The following ROBO2 variants were observed in gnomAD, a reference collection of about 807,000 sequenced individuals.
ROBO2 encodes the protein roundabout homolog 2.
In ROBO2, 53 loss-of-function variants were observed where a neutral mutation model predicts 160.8. The observed-to-expected ratio is 0.33, with a 90% CI of 0.26 to 0.41. The LOEUF (loss-of-function observed/expected upper bound fraction) is 0.41, where lower values mean the gene tolerates loss of function less well. Among genes scored for constraint, ROBO2 ranks in the 10% least tolerant of loss-of-function variants. The probability of loss-of-function intolerance (pLI) is 1.00; values close to 1 mark genes in which losing one functional copy is unlikely to be tolerated. For missense variants in ROBO2, 1,577 were observed against 1,722.4 expected, an observed-to-expected ratio of 0.92 and a Z score of 1.49; for synonymous variants, 664 against 611.7, an observed-to-expected ratio of 1.09 and a Z score of -1.26.
intron 1 of ROBO2, among the ~76,000 whole-genome samples, chr3:75,933,051 A>G (rs1576193038): frequency 1.3e-5 from 2 of 152,350 alleles, no homozygotes; most frequent in African/African-American, 4.8e-5. Flanking sequence ...CCTGCCTGTG[A>G]GAATTTACTA....
At chr3:77,057,175 G>T (rs567952047) in intron 1 of ROBO2, among the ~76,000 whole-genome samples, 1 of 152,224 alleles carries the variant, frequency 6.6e-6, no homozygotes, top group Admixed American at 6.5e-5. Context: ...AATGGATGAA[G>T]CTGGAAACCA....
chr3:76,803,866 A>T (rs564852887), intron 2 of ROBO2, among the ~76,000 whole-genome samples: 45 of 152,286 alleles, frequency 3.0e-4, no homozygotes, highest in African/African-American at 1.1e-3. Context: ...AAGTCATGTA[A>T]GAGTATGATT....
chr3:77,366,780 A>G (rs1034372377), intron 2 of ROBO2, among the ~76,000 whole-genome samples: 14 of 152,034 alleles, frequency 9.2e-5, no homozygotes, highest in Non-Finnish European at 1.0e-4. Flanking sequence ...AGAGAGAGAA[A>G]GAGACAGAGA....
chr3:77,177,501 T>C (rs1010489581), intron 2 of ROBO2, among the ~76,000 whole-genome samples: 2 of 152,034 alleles, frequency 1.3e-5, no homozygotes, highest in South Asian at 4.1e-4. Flanking sequence ...CTTTAAATTA[T>C]TTCTAAATCA....
At chr3:76,037,204 G>A (rs2067136919) in intron 2 of ROBO2, among the ~76,000 whole-genome samples, 1 of 150,452 alleles carries the variant, frequency 6.6e-6, no homozygotes, top group Admixed American at 6.6e-5. Context: ...TGCCCATACT[G>A]TATTCAGTGG....
intron 2 of ROBO2, among the ~76,000 whole-genome samples, chr3:75,999,336 A>G (rs367911642): frequency 2.6e-5 from 4 of 152,192 alleles, no homozygotes; most frequent in East Asian, 1.9e-4. Context: ...CCAAGGGTTA[A>G]TCAAGGAACA....
Position 77,389,454 on chromosome 3 carries a change from A to G in ROBO2, c.389-87960A>G, listed in dbSNP as rs1161247957. On this transcript the variant is annotated intron_variant, in intron 2 of 25. Coordinates refer to ENST00000461745, the Ensembl canonical transcript of ROBO2. ...GGCACCACAGACATAAAAGATTTCCATGATCATGCAGTGTTCTATTGGACA... is the reference window on the plus strand; with the variant it reads ...GGCACCACAGACATAAAAGATTTCCGTGATCATGCAGTGTTCTATTGGACA... Among the ~76,000 whole-genome samples, 3 of 152,128 alleles carry G rather than the reference A, an allele frequency of 2.0e-5. No individual in the cohort carries two copies. The East Asian group carries it at 5.8e-4, about 29-fold the overall frequency.
At chr3:77,113,194 A>G (rs2073849277) in intron 2 of ROBO2, among the ~76,000 whole-genome samples, 1 of 152,222 alleles carries the variant, frequency 6.6e-6, no homozygotes, top group Admixed American at 6.5e-5. Context: ...GTAATTCCCC[A>G]GGACCCATGT....
rs531381325 is a variant in ROBO2 at position 76,447,710 on chromosome 3, C to T, written c.109+510108C>T. ...ATATACACCATGGAATACTATGCAG[C>T]CGTATAAAATGATGAGTTCATGTCC... On this transcript the variant is annotated intron_variant, in intron 2 of 26. Transcript: ENST00000487694. Among the ~76,000 whole-genome samples the T allele has an allele frequency of 2.7e-3, 415 of 151,332 alleles. 1 individual carries two copies. Among genetic ancestry groups the T allele is most frequent in the African/African-American group, 9.7e-3 (398 of 41,184 alleles).
chr3:76,829,649 CCTTTT>C (rs1259482366), intron 2 of ROBO2, among the ~76,000 whole-genome samples: 3 of 150,056 alleles, frequency 2.0e-5, no homozygotes, highest in Non-Finnish European at 4.4e-5. Context: ...CCTTTCCTTT[CCTTTT>C]CTTTCTTTTT....
At chr3:76,048,813 C>T (rs1005895339) in intron 2 of ROBO2, among the ~76,000 whole-genome samples, 1 of 152,044 alleles carries the variant, frequency 6.6e-6, no homozygotes, top group African/African-American at 2.4e-5. Context: ...GTTAACAAAT[C>T]GTAGCATGTT....
chr3:76,851,741 CAAA>C (rs71104629), intron 2 of ROBO2, among the ~76,000 whole-genome samples: 33 of 63,252 alleles, frequency 5.2e-4, no homozygotes, highest in African/African-American at 1.9e-3. Flanking sequence ...GACTCCGTCT[CAAA>C]AAAAAAAAAA....
chr3:77,292,788 A>C (rs200250271), intron 2 of ROBO2, among the ~76,000 whole-genome samples: 3 of 78,374 alleles, frequency 3.8e-5, no homozygotes, highest in Non-Finnish European at 1.1e-4. Flanking sequence ...ACGGTTAAAC[A>C]GGTAAGCTGA....
intron 2 of ROBO2, among the ~76,000 whole-genome samples, chr3:76,449,745 T>C (rs1321523548): frequency 1.3e-5 from 2 of 152,166 alleles, no homozygotes; most frequent in African/African-American, 2.4e-5. Context: ...GATCACCAAA[T>C]AGGGCATTTA....
chr3:76,252,332 A>G (rs954141004), intron 2 of ROBO2, among the ~76,000 whole-genome samples: 71 of 152,168 alleles, frequency 4.7e-4, no homozygotes, highest in African/African-American at 1.5e-3. Context: ...GTGCTATTCA[A>G]TGTATTTGAT....
At chr3:76,285,459 T>C (rs560681033) in intron 2 of ROBO2, among the ~76,000 whole-genome samples, 3 of 152,188 alleles carry the variant, frequency 2.0e-5, no homozygotes, top group South Asian at 4.1e-4. Flanking sequence ...CTACAGAATA[T>C]AAAATCTAAA....
chr3:76,892,895 G>T (rs557536023), intron 2 of ROBO2, among the ~76,000 whole-genome samples: 113 of 152,058 alleles, frequency 7.4e-4, no homozygotes, highest in Non-Finnish European at 1.4e-3. Flanking sequence ...TATTTTGCTT[G>T]TTAATTCATT....
intron 2 of ROBO2, among the ~76,000 whole-genome samples, chr3:76,938,457 T>C (rs2149095389): frequency 6.6e-6 from 1 of 152,080 alleles, no homozygotes; most frequent in South Asian, 2.1e-4. Context: ...CTACTTGTTA[T>C]TTTAGGGTAG....
chr3:76,775,611 G>A lies in ROBO2; in HGVS notation c.110-322403G>A, dbSNP rs150838391. On this transcript the variant is annotated intron_variant, in intron 2 of 26. Coordinates refer to the ROBO2 transcript ENST00000487694. Reference sequence around the variant, plus strand: ...AATACCAAATATAAAACTTATTAATGTCATAGGTTTATTTCTTTAGAATCA... The same window carrying A: ...AATACCAAATATAAAACTTATTAATATCATAGGTTTATTTCTTTAGAATCA... 7.3e-5 allele frequency among the ~76,000 whole-genome samples: 11 copies of A among 150,702 alleles called. No homozygotes were observed. In the East Asian group the frequency reaches 2.0e-3, roughly 27 times the overall value.
Sources: gnomAD v4.1 joint callset for allele counts (sites outside exome capture counted in the v4.1 genomes callset) on GRCh38, gnomAD v4.1.1 for gene constraint, MANE v1.5 for transcripts, NCBI Gene and HGNC (gene_info 2026-07-23, HGNC 2026-07-21) for gene names.